Variants in DST observed in about 807,000 individuals in gnomAD.
The protein encoded by DST is bullous pemphigoid antigen.
Under a neutral mutation model 875.2 loss-of-function variants are expected in DST, and 253 were observed. That is an observed-to-expected ratio of 0.29 (90% confidence interval 0.26 to 0.32). DST has a LOEUF of 0.32. Among genes scored for constraint, DST ranks in the 10% least tolerant of loss-of-function variants. DST has a pLI of 1.00. For synonymous variants in DST, 3,124 were observed against 3,197.1 expected, an observed-to-expected ratio of 0.98 and a Z score of 0.77; for missense variants, 8,287 against 9,111.6, an observed-to-expected ratio of 0.91 and a Z score of 3.68.
intron 2 of DST, among the ~76,000 whole-genome samples, chr6:56,925,650 C>T (rs958068041): frequency 1.3e-5 from 2 of 152,190 alleles, no homozygotes; most frequent in African/African-American, 4.8e-5. Flanking sequence ...TAGAATTTTT[C>T]CAGCAGCTCA....
At chr6:56,481,516 T>C (rs577752484) in intron 90 of DST, among the ~76,000 whole-genome samples, 54 of 152,220 alleles carry the variant, frequency 3.5e-4, no homozygotes, top group Non-Finnish European at 4.9e-4. Flanking sequence ...AAGTTTTTAA[T>C]GTATACTATA....
At chr6:56,736,180 A>G (rs2099523091) in intron 4 of DST, among the ~76,000 whole-genome samples, 1 of 152,134 alleles carries the variant, frequency 6.6e-6, no homozygotes, top group Admixed American at 6.5e-5. Context: ...GTGAGCCACC[A>G]TGCCTGGCCT....
At chr6:56,486,565 T>C (rs2095575563) in intron 87 of DST, among the ~76,000 whole-genome samples, 1 of 152,032 alleles carries the variant, frequency 6.6e-6, no homozygotes, top group South Asian at 2.1e-4. Context: ...ATACTTAAAA[T>C]TTTTGAAATA....
chr6:56,492,696 C>T (rs1178524475), intron 84 of DST, among the ~76,000 whole-genome samples: 2 of 151,932 alleles, frequency 1.3e-5, no homozygotes, highest in Non-Finnish European at 2.9e-5. Flanking sequence ...ATGCTGAAAC[C>T]CCATCTCTAC....
At chr6:56,926,882 A>C (rs1807449221) in intron 2 of DST, among the ~76,000 whole-genome samples, 1 of 152,210 alleles carries the variant, frequency 6.6e-6, no homozygotes, top group African/African-American at 2.4e-5. Flanking sequence ...AACATACAGC[A>C]CCAGGACCCA....
chr6:56,657,397 A>G (rs1005362747), intron 10 of DST, among the ~76,000 whole-genome samples: 1 of 152,200 alleles, frequency 6.6e-6, no homozygotes, highest in Admixed American at 6.5e-5. Context: ...TAAAATAATG[A>G]AGCCTGGAAA....
At chr6:56,577,237 A>C (rs2097884056) in intron 50 of DST, among the ~76,000 whole-genome samples, 1 of 152,090 alleles carries the variant, frequency 6.6e-6, no homozygotes, top group African/African-American at 2.4e-5. Context: ...TAACAATAAG[A>C]AAAAAATGTC....
At chr6:56,802,388 A>G (rs370696529) in intron 4 of DST, among the ~76,000 whole-genome samples, 10 of 152,178 alleles carry the variant, frequency 6.6e-5, no homozygotes, top group Admixed American at 3.3e-4. Flanking sequence ...AAACTCAGCC[A>G]ATAACACTTT....
At position 56,636,571 on chromosome 6, in the gene DST, T is replaced by C. The variant is rs148341409; in HGVS notation, c.3046A>G (p.Thr1016Ala). Residue 1016 changes from threonine (T) to alanine (A), a missense_variant, in exon 23 of 104, where the codon ACA becomes GCA. By Grantham distance (58) the Thr-to-Ala change is moderately conservative. Coordinates refer to ENST00000680361, the MANE Select transcript of DST (RefSeq NM_001374736.1). Reference protein sequence around the residue: ...QCVEQHIKENTAYFEFFNDAK... With the variant: ...QCVEQHIKENAAYFEFFNDAK... ...TACTCACATACCTCGAAATACGCTG[T>C]GTTCTCCTTTATGTGCTGCTCCACA... 5 of 1,613,032 alleles carry C rather than the reference T, an allele frequency of 3.1e-6. No homozygotes were observed. Among genetic ancestry groups the C allele is most frequent in the Non-Finnish European group, 4.2e-6 (5 of 1,179,854 alleles).
chr6:56,579,085 G>T, intron 49 of DST, 148 bp from the exon 50 acceptor site: 1 of 654,534 alleles, frequency 1.5e-6, no homozygotes, highest in Middle Eastern at 3.6e-4. Context: ...TTACTCCAGA[G>T]TTCTTCGAAT....
chr6:56,764,741 T>G (rs2099628458), intron 4 of DST, among the ~76,000 whole-genome samples: 1 of 152,134 alleles, frequency 6.6e-6, no homozygotes, highest in Admixed American at 6.5e-5. Context: ...GTGGATCACC[T>G]GAGGTCAGGA....
At chr6:56,720,847 C>T (rs986561594) in intron 5 of DST, among the ~76,000 whole-genome samples, 15 of 152,022 alleles carry the variant, frequency 9.9e-5, no homozygotes, top group Admixed American at 4.6e-4. Context: ...CATCATGGCC[C>T]GTTCTCAATG....
chr6:56,867,664 A>G (rs1774872452), intron 3 of DST, among the ~76,000 whole-genome samples: 1 of 152,168 alleles, frequency 6.6e-6, no homozygotes, highest in African/African-American at 2.4e-5. Flanking sequence ...TACTAAAAAT[A>G]CAAAAATCAG....
chr6:56,477,051 A>G (rs2095228025), intron 91 of DST, among the ~76,000 whole-genome samples: 1 of 152,148 alleles, frequency 6.6e-6, no homozygotes, highest in South Asian at 2.1e-4. Context: ...AACACCATCC[A>G]ACTGCTGGAT....
rs749680610 is a variant in DST, at chr6:56,604,986, C to T, written c.9642G>A (p.Met3214Ile). The change falls in exon 40 of 104, where the codon ATG becomes ATA. Residue 3214 changes from methionine (M) to isoleucine (I), a missense_variant. By Grantham distance (10) the Met-to-Ile change is conservative. Around this residue, in one of 10 missense-constraint regions of DST, gnomAD observed 3,138 missense variants for 3,116.6 expected, o/e 1.01. Transcript: ENST00000680361. ...PSHVLITAPP[M>I]KEHLQLGVNN... Reference sequence around the variant, plus strand: ...TAACTCCTAATTGTAAATGTTCTTTCATGGGAGGGGCAGTTATTAAAACAT... The same window carrying T: ...TAACTCCTAATTGTAAATGTTCTTTTATGGGAGGGGCAGTTATTAAAACAT... The T allele has an allele frequency of 6.8e-6, 11 of 1,612,650 alleles. No homozygotes were observed. The East Asian group carries it at 2.5e-4, about 36-fold the overall frequency.
At chr6:56,953,874 C>G (rs1328432381) in intron 1 of DST, 55 bp from the exon 2 acceptor site, 2 of 1,253,092 alleles carry the variant, frequency 1.6e-6, no homozygotes, top group Non-Finnish European at 2.1e-6. Context: ...CTTCACCTAC[C>G]GAGTGACTCA....
chr6:56,898,566 C>T (rs1484976243), intron 3 of DST, among the ~76,000 whole-genome samples: 2 of 152,300 alleles, frequency 1.3e-5, no homozygotes, highest in Non-Finnish European at 1.5e-5. Flanking sequence ...TCAACTGATG[C>T]CTATTACACA....
chr6:56,530,807 T>C (rs2096884415), intron 64 of DST, among the ~76,000 whole-genome samples: 1 of 152,202 alleles, frequency 6.6e-6, no homozygotes. Context: ...AAAACCTGTT[T>C]CCGCTGTCCT....
At position 56,603,724 on chromosome 6, in the gene DST, A is replaced by C; in HGVS notation, c.10792-11T>G. ...TAATTCACTGGAAAACTAAAAACAA[A>C]GTTGGACATTTTAATTCAATAACCT... On this transcript the variant is annotated splice_polypyrimidine_tract_variant and intron_variant, in intron 40 of 103. Transcript: ENST00000680361. 1 of 1,591,302 alleles carries C rather than the reference A, an allele frequency of 6.3e-7. No individual in the cohort carries two copies. The highest frequency in any genetic ancestry group is 8.5e-7 in the Non-Finnish European group (1 of 1,171,650).
Sources: allele counts gnomAD v4.1 joint callset (sites outside exome capture counted in the v4.1 genomes callset), GRCh38; gene constraint gnomAD v4.1.1; regional missense constraint gnomAD v4.1.1; transcripts MANE v1.5; gene names NCBI Gene and HGNC (gene_info 2026-07-23, HGNC 2026-07-21).